LRRC3B: variants seen among roughly 807,000 people sequenced by gnomAD.
The protein encoded by LRRC3B is leucine-rich repeat-containing protein 3B.
LRRC3B carries 2 observed loss-of-function variants against 12.8 expected under a neutral mutation model. The observed-to-expected ratio is 0.16, with a 90% CI of 0.06 to 0.49. The LOEUF (loss-of-function observed/expected upper bound fraction) is 0.49, where lower values mean the gene tolerates loss of function less well. LRRC3B is among the 20% of genes least tolerant of loss of function. The pLI is 0.96. For synonymous variants in LRRC3B, 132 were observed against 122.0 expected, an observed-to-expected ratio of 1.08 and a Z score of -0.54; for missense variants, 189 against 319.4, an observed-to-expected ratio of 0.59 and a Z score of 3.11.
At chr3:26,631,880 C>T (rs1163202999) in intron 1 of LRRC3B, among the ~76,000 whole-genome samples, 1 of 151,216 alleles carries the variant, frequency 6.6e-6, no homozygotes, top group Non-Finnish European at 1.5e-5. Flanking sequence ...TTTCTAAAAT[C>T]CCTTTCAGTT....
chr3:26,693,768 T>G (rs965822248), intron 1 of LRRC3B, among the ~76,000 whole-genome samples: 5 of 152,138 alleles, frequency 3.3e-5, no homozygotes, highest in African/African-American at 1.2e-4. Flanking sequence ...CCAAAGTCCT[T>G]TAAAAAATTA....
chr3:26,710,504 T>G, exon 2 of LRRC3B: 1 of 1,488,916 alleles, frequency 6.7e-7, no homozygotes. Flanking sequence ...GCGATTGCAG[T>G]AGAAATAAGT....
chr3:26,678,303 G>A (rs996696994), intron 1 of LRRC3B, among the ~76,000 whole-genome samples: 1 of 152,032 alleles, frequency 6.6e-6, no homozygotes, highest in Non-Finnish European at 1.5e-5. Context: ...AGACCAGCCT[G>A]GTCAACATGA....
chr3:26,643,011 G>A (rs1187086054), intron 1 of LRRC3B, among the ~76,000 whole-genome samples: 3 of 127,430 alleles, frequency 2.4e-5, no homozygotes, highest in East Asian at 7.5e-4. Flanking sequence ...GCGAGACTCC[G>A]TTTCAAAAAA....
chr3:26,701,827 A>G (rs1476559935), intron 1 of LRRC3B, among the ~76,000 whole-genome samples: 2 of 151,900 alleles, frequency 1.3e-5, no homozygotes, highest in Admixed American at 6.6e-5. Context: ...CTCACAGAAC[A>G]TGTGTCAGCC....
At chr3:26,673,837 G>GTGAA (rs1699802723) in intron 1 of LRRC3B, among the ~76,000 whole-genome samples, 1 of 152,132 alleles carries the variant, frequency 6.6e-6, no homozygotes, top group Non-Finnish European at 1.5e-5. Context: ...GCATTAATTG[G>GTGAA]TGAATGACAC....
chr3:26,683,837 G>C (rs918518927), intron 1 of LRRC3B, among the ~76,000 whole-genome samples: 2 of 152,182 alleles, frequency 1.3e-5, no homozygotes, highest in African/African-American at 4.8e-5. Flanking sequence ...GATATCTGCA[G>C]CGCAATTTCT....
At chr3:26,677,087 G>GGTGA (rs1388903924) in intron 1 of LRRC3B, among the ~76,000 whole-genome samples, 2 of 152,116 alleles carry the variant, frequency 1.3e-5, no homozygotes, top group Non-Finnish European at 2.9e-5. Context: ...GAGTCAAGAA[G>GGTGA]GTGAGTCATC....
exon 2 of LRRC3B, chr3:26,710,483 GAAAGT>G (rs756804680): frequency 1.3e-6 from 2 of 1,522,698 alleles, no homozygotes; most frequent in Non-Finnish European, 1.8e-6. Context: ...GAGAAAGAAA[GAAAGT>G]AGTTTGCGAT....
intron 1 of LRRC3B, among the ~76,000 whole-genome samples, chr3:26,697,896 C>T (rs983782787): frequency 6.6e-6 from 1 of 152,186 alleles, no homozygotes; most frequent in African/African-American, 2.4e-5. Flanking sequence ...GAATTATGCT[C>T]TTCATACTCT....
At chr3:26,685,829 T>G (rs1239612086) in intron 1 of LRRC3B, among the ~76,000 whole-genome samples, 3 of 151,892 alleles carry the variant, frequency 2.0e-5, no homozygotes, top group Admixed American at 2.0e-4. Flanking sequence ...CTAATGTCAT[T>G]TAGTGGTTCA....
chr3:26,654,552 A>T (rs1326187597), intron 1 of LRRC3B, among the ~76,000 whole-genome samples: 3 of 152,230 alleles, frequency 2.0e-5, no homozygotes, highest in African/African-American at 7.2e-5. Flanking sequence ...AAGAGAAATC[A>T]GAAAGACTTC....
At chr3:26,677,206 T>C (rs1029797871) in intron 1 of LRRC3B, among the ~76,000 whole-genome samples, 1 of 152,212 alleles carries the variant, frequency 6.6e-6, no homozygotes, top group African/African-American at 2.4e-5. Context: ...TGCACAGGGC[T>C]ATGCAAAAAA....
intron 1 of LRRC3B, among the ~76,000 whole-genome samples, chr3:26,655,673 G>A (rs1165518639): frequency 6.6e-6 from 1 of 152,056 alleles, no homozygotes; most frequent in African/African-American, 2.4e-5. Context: ...GTGAAGCAGA[G>A]CTCATATCTC....
exon 2 of LRRC3B, chr3:26,710,634 C>A: frequency 1.7e-6 from 1 of 588,348 alleles, no homozygotes. Flanking sequence ...TTTAGGTGAT[C>A]CACCCCTTAA....
At position 26,636,954 on chromosome 3, in the gene LRRC3B, CTTTCTTTCTTTCTT is replaced by C. The variant is rs1339939041; in HGVS notation, c.-161+13719_-161+13732del. ...TCTTTCTTTCTTTCTTTCTTTCTTTCTTTCTTTCTTTCTTTCTTTCTCTCTCTCTCTTTCTCTCT... is the reference window on the plus strand; with the variant it reads ...TCTTTCTTTCTTTCTTTCTTTCTTTCTCTTTCTCTCTCTCTCTTTCTCTCT... On this transcript the variant is annotated intron_variant, in intron 1 of 1. Transcript: ENST00000396641. Among the ~76,000 whole-genome samples the C allele has an allele frequency of 1.4e-4, 18 of 124,580 alleles. No individual in the cohort carries two copies. In the East Asian group the frequency reaches 3.7e-3, roughly 26 times the overall value. 81.7% of individuals were successfully genotyped at this position (124,580 alleles called of 152,430 possible).
At chr3:26,662,737 T>G (rs965515274) in intron 1 of LRRC3B, among the ~76,000 whole-genome samples, 2 of 152,164 alleles carry the variant, frequency 1.3e-5, no homozygotes, top group African/African-American at 2.4e-5. Context: ...TACCACTGCT[T>G]CTTCTTGTCA....
chr3:26,675,209 A>AAAT lies in LRRC3B; in HGVS notation c.-160-34303_-160-34301dup, dbSNP rs200060046. Among the ~76,000 whole-genome samples the AAAT allele has an allele frequency of 9.6e-3, 1,461 of 152,342 alleles. 25 individuals are homozygous for AAAT. The highest frequency in any genetic ancestry group is 0.031 in the African/African-American group (1,307 of 41,572). ...GAGCTTTTGTCATTTTCGTAAAATA[A>AAAT]AATGGATACATTCAGGTACAGCATA... On this transcript the variant is annotated intron_variant, in intron 1 of 1. Coordinates refer to ENST00000396641, the Ensembl canonical transcript of LRRC3B.
At chr3:26,680,781 A>G (rs1602346) in intron 1 of LRRC3B, among the ~76,000 whole-genome samples, 1 of 152,206 alleles carries the variant, frequency 6.6e-6, no homozygotes, top group Non-Finnish European at 1.5e-5. Context: ...TTTCATTGTG[A>G]CCAAAAGATA....
Sources: gnomAD v4.1 joint callset for allele counts (sites outside exome capture counted in the v4.1 genomes callset) on GRCh38, gnomAD v4.1.1 for gene constraint, MANE v1.5 for transcripts, NCBI Gene and HGNC (gene_info 2026-07-23, HGNC 2026-07-21) for gene names.